The following TTC27 variants were observed in gnomAD, a reference collection of about 807,000 sequenced individuals.
TTC27 encodes tetratricopeptide repeat domain 27.
A neutral mutation model predicts 115.9 loss-of-function variants in TTC27; 79 were observed. The observed-to-expected ratio is 0.68, with a 90% confidence interval of 0.57 to 0.82. The LOEUF (loss-of-function observed/expected upper bound fraction) is 0.82, where lower values mean the gene tolerates loss of function less well. Among genes scored for constraint, TTC27 ranks in the 40% least tolerant of loss-of-function variants. The pLI is 0.00. For missense variants in TTC27, 1,054 were observed against 993.1 expected (o/e 1.06, Z -0.82); for synonymous variants, 401 against 356.0 (o/e 1.13, Z -1.42).
intron 16 of TTC27, among the ~76,000 whole-genome samples, chr2:32,799,358 A>T (rs1327732090): frequency 6.6e-6 from 1 of 152,226 alleles, no homozygotes; most frequent in East Asian, 1.9e-4. Flanking sequence ...TGAATTGTAC[A>T]TTTAAAAATG....
intron 10 of TTC27, among the ~76,000 whole-genome samples, chr2:32,715,537 G>T (rs147815949): frequency 6.6e-6 from 1 of 152,092 alleles, no homozygotes; most frequent in Admixed American, 6.6e-5. Context: ...ATCTGTTCTC[G>T]ATACTGTGTA....
chr2:32,633,023 A>G (rs1424767559), intron 2 of TTC27, among the ~76,000 whole-genome samples: 1 of 152,194 alleles, frequency 6.6e-6, no homozygotes, highest in African/African-American at 2.4e-5. Flanking sequence ...TAAAATATCT[A>G]TATGTTTTGT....
intron 10 of TTC27, among the ~76,000 whole-genome samples, chr2:32,713,606 C>T (rs2151906618): frequency 6.6e-6 from 1 of 152,288 alleles, no homozygotes; most frequent in Non-Finnish European, 1.5e-5. Flanking sequence ...TTTCTTCTTC[C>T]TTGGATTTCC....
chr2:32,639,829 C>G (rs1010767884), intron 3 of TTC27, among the ~76,000 whole-genome samples: 1 of 152,018 alleles, frequency 6.6e-6, no homozygotes, highest in Non-Finnish European at 1.5e-5. Context: ...ATGGTGAAAC[C>G]CCATCTCTAC....
At position 32,758,475 on chromosome 2, in the gene TTC27, T is replaced by A; in HGVS notation, c.1636T>A (p.Cys546Ser). ...TCTTCGGAACAAGGAGTTTCAAGAG[T>A]GTGTAGAGTGCTTCGAACGCTCGGT... ...LHLRNKEFQECVECFERSVKI... is the reference protein window; with the variant it reads ...LHLRNKEFQESVECFERSVKI... Residue 546 changes from cysteine (C) to serine (S), a missense_variant, in exon 13 of 20, where the codon TGT becomes AGT. Transcript: ENST00000317907. 2 of 1,613,984 alleles carry A rather than the reference T, an allele frequency of 1.2e-6. No homozygotes were observed. The highest frequency in any genetic ancestry group is 1.7e-6 in the Non-Finnish European group (2 of 1,179,972).
rs557925525 is a variant in TTC27 at position 32,645,696 on chromosome 2, C to T, written c.538-4435C>T. 4.6e-5 allele frequency among the ~76,000 whole-genome samples: 7 copies of T among 152,012 alleles called. No homozygotes were observed. In the East Asian group the frequency reaches 9.7e-4, roughly 21 times the overall value. On this transcript the variant is annotated intron_variant, in intron 4 of 19. Transcript: ENST00000317907. ...ATATATCTCCTAATGCTATCCCTCC[C>T]GCCTCCCCCCAATTTTTTCTTTCTT... is the stretch of plus-strand genomic sequence containing the variant.
intron 13 of TTC27, among the ~76,000 whole-genome samples, chr2:32,763,071 T>C: frequency 6.6e-6 from 1 of 152,226 alleles, no homozygotes; most frequent in East Asian, 1.9e-4. Context: ...TTAGAATTAA[T>C]TATTTACGTA....
intron 10 of TTC27, among the ~76,000 whole-genome samples, chr2:32,729,281 C>CT: frequency 6.6e-6 from 1 of 152,218 alleles, no homozygotes; most frequent in South Asian, 2.1e-4. Context: ...CAGAATTGTC[C>CT]TTTTTTACTA....
chr2:32,648,628 A>G (rs1664961580), intron 4 of TTC27, among the ~76,000 whole-genome samples: 1 of 151,816 alleles, frequency 6.6e-6, no homozygotes, highest in Admixed American at 6.6e-5. Context: ...TTAAGTAAAT[A>G]TATGTTGATC....
At chr2:32,691,220 G>A (rs527503291) in intron 9 of TTC27, among the ~76,000 whole-genome samples, 1 of 152,206 alleles carries the variant, frequency 6.6e-6, no homozygotes, top group Admixed American at 6.5e-5. Flanking sequence ...TGAGGGAAAT[G>A]CCCATACAGT....
At chr2:32,714,153 G>C (rs1453227181) in intron 10 of TTC27, among the ~76,000 whole-genome samples, 19 of 144,542 alleles carry the variant, frequency 1.3e-4, no homozygotes, top group East Asian at 2.1e-4. Context: ...GCGCACCCCC[G>C]CCCCCCCGCC....
intron 16 of TTC27, among the ~76,000 whole-genome samples, chr2:32,809,986 G>T (rs540548636): frequency 6.6e-6 from 1 of 151,972 alleles, no homozygotes; most frequent in African/African-American, 2.4e-5. Flanking sequence ...GCATGGTGGC[G>T]CTCACCTGTA....
intron 11 of TTC27, among the ~76,000 whole-genome samples, chr2:32,735,352 T>C (rs541223744): frequency 1.3e-5 from 2 of 152,340 alleles, no homozygotes; most frequent in South Asian, 2.1e-4. Context: ...CTTTATATTA[T>C]GTGGTTTGAT....
chr2:32,700,550 T>G (rs1332876834), intron 9 of TTC27, among the ~76,000 whole-genome samples: 1 of 152,180 alleles, frequency 6.6e-6, no homozygotes, highest in Non-Finnish European at 1.5e-5. Context: ...AAAAAAATTT[T>G]TTTTTTGACA....
At chr2:32,748,689 CTTT>C (rs36003831) in intron 12 of TTC27, among the ~76,000 whole-genome samples, 1 of 133,296 alleles carries the variant, frequency 7.5e-6, no homozygotes, top group East Asian at 2.1e-4. Flanking sequence ...TCTAACAATT[CTTT>C]TTTTTTTTTT....
intron 16 of TTC27, among the ~76,000 whole-genome samples, chr2:32,805,650 A>G (rs892484384): frequency 3.3e-5 from 5 of 152,248 alleles, no homozygotes; most frequent in Non-Finnish European, 5.9e-5. Flanking sequence ...ATGAGGAAAC[A>G]TGGAAGTAAG....
At chr2:32,679,333 C>T (rs923967329) in intron 9 of TTC27, among the ~76,000 whole-genome samples, 16 of 152,160 alleles carry the variant, frequency 1.1e-4, no homozygotes, top group African/African-American at 3.9e-4. Context: ...CTGGACAGTT[C>T]CCTCATTACA....
At chr2:32,747,547 G>T (rs1388076507) in intron 12 of TTC27, among the ~76,000 whole-genome samples, 1 of 152,140 alleles carries the variant, frequency 6.6e-6, no homozygotes, top group African/African-American at 2.4e-5. Flanking sequence ...TCTACCAAAT[G>T]TGTATTGCTA....
At chr2:32,775,560 C>G (rs899312424) in intron 13 of TTC27, among the ~76,000 whole-genome samples, 4 of 152,094 alleles carry the variant, frequency 2.6e-5, no homozygotes, top group African/African-American at 9.7e-5. Context: ...ATGCAGAAAA[C>G]AAGCAGAGCA....
Sources: gnomAD v4.1 joint callset for allele counts (sites outside exome capture counted in the v4.1 genomes callset) on GRCh38, gnomAD v4.1.1 for gene constraint, MANE v1.5 for transcripts, NCBI Gene and HGNC (gene_info 2026-07-23, HGNC 2026-07-21) for gene names.